Variants in ADGRL3 observed in about 807,000 individuals in gnomAD.
ADGRL3 encodes calcium-independent alpha-latrotoxin receptor 3.
ADGRL3 carries 62 observed loss-of-function variants against 153.5 expected under a neutral mutation model. The ratio of observed to expected loss-of-function variants is 0.40; its 90% CI spans 0.33 to 0.50. The LOEUF is 0.50. Ranked by LOEUF, ADGRL3 falls within the 20% of genes least tolerant of loss-of-function variation. The probability of loss-of-function intolerance (pLI) is 0.47; values close to 1 mark genes in which losing one functional copy is unlikely to be tolerated. For missense variants in ADGRL3, 1,641 were observed against 1,859.4 expected (o/e 0.88, Z 2.16); for synonymous variants, 710 against 672.5 (o/e 1.06, Z -0.86).
At chr4:61,226,755 A>G (rs747196768) in intron 1 of ADGRL3, among the ~76,000 whole-genome samples, 2 of 152,072 alleles carry the variant, frequency 1.3e-5, no homozygotes, top group Non-Finnish European at 2.9e-5. Flanking sequence ...GCATGAAGTT[A>G]TAATTTCACT....
intron 2 of ADGRL3, among the ~76,000 whole-genome samples, chr4:61,447,501 T>C (rs2643038): frequency 0.93 from 140,978 of 152,206 alleles, 66,260 homozygotes; most frequent in East Asian, 1. Flanking sequence ...GAAAACATGA[T>C]ACTTATGGGT....
intron 24 of ADGRL3, among the ~76,000 whole-genome samples, chr4:62,038,577 G>A (rs901837550): frequency 2.6e-5 from 4 of 151,972 alleles, no homozygotes; most frequent in Admixed American, 1.3e-4. Context: ...TCATGAGTGC[G>A]TTTGGTTCAA....
intron 8 of ADGRL3, 53 bp downstream of exon 8, chr4:61,733,607 C>A: frequency 1.6e-6 from 2 of 1,246,396 alleles, no homozygotes; most frequent in South Asian, 1.4e-5. Flanking sequence ...TGTTTGTTCT[C>A]AGCAAGTTCA....
intron 4 of ADGRL3, among the ~76,000 whole-genome samples, chr4:61,542,993 T>C (rs1022717497): frequency 3.9e-5 from 6 of 152,178 alleles, no homozygotes; most frequent in Non-Finnish European, 8.8e-5. Context: ...TTTTCTTTAT[T>C]ATATTTTTTA....
chr4:61,892,537 T>C (rs2098596209), intron 9 of ADGRL3, 119 bp from the exon 10 acceptor site: 4 of 729,648 alleles, frequency 5.5e-6, no homozygotes, highest in Non-Finnish European at 9.2e-6. Context: ...GGTTGAAGAC[T>C]TCTAGAGCTT....
intron 6 of ADGRL3, among the ~76,000 whole-genome samples, chr4:61,678,691 A>G (rs1015245852): frequency 6.6e-6 from 1 of 151,956 alleles, no homozygotes; most frequent in Non-Finnish European, 1.5e-5. Flanking sequence ...CCTTAGAAAT[A>G]TTATATCAAA....
chr4:61,934,740 C>A, intron 13 of ADGRL3, 100 bp from the exon 14 acceptor site: 1 of 820,720 alleles, frequency 1.2e-6, no homozygotes, highest in Non-Finnish European at 2.0e-6. Flanking sequence ...CTCATGCACA[C>A]ACTGCTGATC....
At chr4:61,498,844 C>A (rs1307578443) in intron 3 of ADGRL3, among the ~76,000 whole-genome samples, 2 of 151,990 alleles carry the variant, frequency 1.3e-5, no homozygotes, top group Non-Finnish European at 2.9e-5. Flanking sequence ...AAATTAAAGT[C>A]TATATGTATG....
At chr4:61,367,049 T>C (rs2096411002) in intron 1 of ADGRL3, among the ~76,000 whole-genome samples, 1 of 152,194 alleles carries the variant, frequency 6.6e-6, no homozygotes, top group African/African-American at 2.4e-5. Flanking sequence ...TATAAAAGTT[T>C]GCCTTTTATG....
chr4:61,239,528 G>T (rs1007158842), intron 1 of ADGRL3, among the ~76,000 whole-genome samples: 2 of 151,936 alleles, frequency 1.3e-5, no homozygotes, highest in Non-Finnish European at 2.9e-5. Flanking sequence ...ACAACAAACA[G>T]AACACTTAAA....
intron 3 of ADGRL3, among the ~76,000 whole-genome samples, chr4:61,506,538 G>A (rs1474522951): frequency 6.6e-6 from 1 of 152,056 alleles, no homozygotes; most frequent in African/African-American, 2.4e-5. Flanking sequence ...GCTTAGATCA[G>A]CATTCAAAGA....
intron 2 of ADGRL3, among the ~76,000 whole-genome samples, chr4:61,393,209 G>A (rs968418723): frequency 2.0e-5 from 3 of 152,028 alleles, no homozygotes; most frequent in Non-Finnish European, 4.4e-5. Flanking sequence ...ATTCTGTGAT[G>A]GTCTTGGGTC....
intron 1 of ADGRL3, among the ~76,000 whole-genome samples, chr4:61,316,591 T>G (rs1438665758): frequency 6.6e-6 from 1 of 152,192 alleles, no homozygotes; most frequent in Non-Finnish European, 1.5e-5. Flanking sequence ...GGTTGCTGTA[T>G]GCATGGGTAA....
At chr4:61,372,202 G>C (rs1193727141) in intron 1 of ADGRL3, among the ~76,000 whole-genome samples, 1 of 152,060 alleles carries the variant, frequency 6.6e-6, no homozygotes, top group Non-Finnish European at 1.5e-5. Context: ...AGAGTAATTT[G>C]ATCGTCTGAA....
At chr4:61,833,855 T>C (rs1183259500) in intron 9 of ADGRL3, among the ~76,000 whole-genome samples, 3 of 152,160 alleles carry the variant, frequency 2.0e-5, no homozygotes, top group Non-Finnish European at 2.9e-5. Context: ...GTTCAGCCTA[T>C]GCCCAGGAGT....
chr4:61,576,520 G>A (rs995324578), intron 4 of ADGRL3, among the ~76,000 whole-genome samples: 2 of 149,518 alleles, frequency 1.3e-5, no homozygotes, highest in African/African-American at 4.9e-5. Context: ...GTTGGTTAAT[G>A]CATTCCTCAT....
At chr4:61,344,260 A>AT (rs544837184) in intron 1 of ADGRL3, among the ~76,000 whole-genome samples, 26 of 151,216 alleles carry the variant, frequency 1.7e-4, no homozygotes, top group African/African-American at 2.9e-4. Flanking sequence ...AAGTAGATAC[A>AT]TTTTTTTTTG....
At chr4:61,308,021 C>T (rs554694541) in intron 1 of ADGRL3, among the ~76,000 whole-genome samples, 1 of 152,118 alleles carries the variant, frequency 6.6e-6, no homozygotes, top group Non-Finnish European at 1.5e-5. Flanking sequence ...CTTATTTGTC[C>T]AGGAAGAAGC....
intron 9 of ADGRL3, among the ~76,000 whole-genome samples, chr4:61,866,912 A>T (rs183437660): frequency 5.1e-4 from 78 of 152,298 alleles, no homozygotes; most frequent in Middle Eastern, 6.8e-3. Flanking sequence ...GCTTTTTTGA[A>T]GATCCTGGTA....
Sources: gnomAD v4.1 joint callset for allele counts (sites outside exome capture counted in the v4.1 genomes callset) on GRCh38, gnomAD v4.1.1 for gene constraint, MANE v1.5 for transcripts, NCBI Gene and HGNC (gene_info 2026-07-23, HGNC 2026-07-21) for gene names.